The following MAPK8IP2 variants were observed in gnomAD, a reference collection of about 807,000 sequenced individuals.
The protein encoded by MAPK8IP2 is mitogen-activated protein kinase 8 interacting protein 2.
MAPK8IP2 carries 15 observed loss-of-function variants against 75.6 expected under a neutral mutation model. That is an observed-to-expected ratio of 0.20 (90% CI 0.13 to 0.31). MAPK8IP2 has a LOEUF of 0.31. Among genes scored for constraint, MAPK8IP2 ranks in the 10% least tolerant of loss-of-function variants. The pLI is 1.00. For synonymous variants in MAPK8IP2, 632 were observed against 554.5 expected, an observed-to-expected ratio of 1.14 and a Z score of -1.96; for missense variants, 1,089 against 1,211.2, an observed-to-expected ratio of 0.90 and a Z score of 1.50.
rs1555896952 is a variant in MAPK8IP2 at position 50,603,339 on chromosome 22, A to C, written c.288A>C (p.Glu96Asp). The C allele has an allele frequency of 3.9e-6, 6 of 1,555,168 alleles. No homozygotes were observed. Among genetic ancestry groups the C allele is most frequent in the Non-Finnish European group, 5.2e-6 (6 of 1,152,436 alleles). Residue 96 changes from glutamate to aspartate, a missense_variant, in exon 3 of 12, where the codon GAA (glutamate) becomes GAC (aspartate). Physicochemically the swap from Glu to Asp is conservative, Grantham distance 45 (BLOSUM62 2). Coordinates refer to ENST00000329492, the MANE Select transcript of MAPK8IP2 (RefSeq NM_012324.6). ...DNEEEDDEDE[E>D]EEEEEEEGDG... ...AAGAGGAGGACGATGAGGACGAGGA[A>C]GAGGAGGAGGAGGAGGAGGAGGGAG...
intron 2 of MAPK8IP2, among the ~76,000 whole-genome samples, chr22:50,602,311 T>A (rs1036879846): frequency 1.3e-5 from 2 of 152,242 alleles, no homozygotes; most frequent in Admixed American, 1.3e-4. Flanking sequence ...TCTTTTCTCG[T>A]CCATCTCTTG....
chr22:50,608,723 G>A (rs949112415), intron 10 of MAPK8IP2, among the ~76,000 whole-genome samples: 10 of 146,060 alleles, frequency 6.8e-5, no homozygotes, highest in Non-Finnish European at 1.5e-4. Context: ...CAGTGGGCAC[G>A]GGCGCAGACC....
At chr22:50,605,539 A>G in intron 6 of MAPK8IP2, 23 bp from the exon 7 acceptor site, 1 of 809,608 alleles carries the variant, frequency 1.2e-6, no homozygotes, top group Non-Finnish European at 1.9e-6. Flanking sequence ...CCCCCTCCCC[A>G]GTGACCTCTC....
intron 2 of MAPK8IP2, 158 bp from the exon 3 acceptor site, chr22:50,603,065 C>A: frequency 6.8e-7 from 1 of 1,480,032 alleles, no homozygotes; most frequent in Non-Finnish European, 9.1e-7. Context: ...GTGTGTTAGG[C>A]AGATTTTGAA....
Position 50,611,426 on chromosome 22 carries a change from A to G in MAPK8IP2, c.*647A>G, listed in dbSNP as rs1326088466. ...GGAGGGGGGGCCCTCCTGGGCCCCC[A>G]ATACCCCTCCGCTTGCCGCTGCTAG... is the stretch of plus-strand genomic sequence containing the variant. On this transcript the variant is annotated 3_prime_UTR_variant, in exon 12 of 12. Coordinates refer to ENST00000329492, the MANE Select transcript of MAPK8IP2 (RefSeq NM_012324.6). This position sits in a 1 kb window ranked among gnomAD's most constrained non-coding sequence, Gnocchi z 5.5. 6.6e-6 allele frequency: 1 copy of G among 152,184 alleles called. No homozygotes were observed. Among genetic ancestry groups the G allele is most frequent in the East Asian group, 1.9e-4 (1 of 5,154 alleles). The allele number at this position is 152,184 out of a possible 1,614,324, so 9.4% of individuals were successfully genotyped here.
In MAPK8IP2 at chr22:50,603,254, C is replaced by T. The variant is rs375910012; in HGVS notation, c.203C>T (p.Pro68Leu). The T allele has an allele frequency of 1.1e-5, 17 of 1,604,794 alleles. No individual in the cohort carries two copies. The highest frequency in any genetic ancestry group is 2.2e-5 in the East Asian group (1 of 44,558). ...DSLSLGRSEQPHPICSFQDDF... is the reference protein window; with the variant it reads ...DSLSLGRSEQLHPICSFQDDF... ...CTCTCCCTGGGGCGCTCGGAGCAGC[C>T]GCACCCCATCTGCTCCTTCCAGGAT... The change falls in exon 3 of 12, where the codon CCG becomes CTG. Residue 68 changes from proline to leucine, a missense_variant. Around this residue, in one of 2 missense-constraint regions of MAPK8IP2, gnomAD observed 960 missense variants for 1,009.6 expected, o/e 0.95. Transcript: ENST00000329492.
chr22:50,609,195 G>C (rs2071104190), intron 10 of MAPK8IP2, among the ~76,000 whole-genome samples: 1 of 152,158 alleles, frequency 6.6e-6, no homozygotes, highest in Non-Finnish European at 1.5e-5. Context: ...AGGAGAGCGT[G>C]GGGTGTGCTG....
intron 10 of MAPK8IP2, among the ~76,000 whole-genome samples, chr22:50,608,305 C>G (rs185810119): frequency 6.7e-6 from 1 of 150,286 alleles, no homozygotes; most frequent in East Asian, 2.0e-4. Context: ...GGGGCCAGCT[C>G]TGGGGTGGAG....
chr22:50,603,318 G>A lies in MAPK8IP2; in HGVS notation c.267G>A (p.Glu89=), dbSNP rs1429269428. Residue 89 remains glutamate (E), a synonymous_variant, in exon 3 of 12, where the codon GAG becomes GAA. Transcript: ENST00000329492. The stretch of plus-strand genomic sequence containing the variant: ...TTGAGATGATCGATGACAATGAAGA[G>A]GAGGACGATGAGGACGAGGAAGAGG... ...QEFEMIDDNE[E]EDDEDEEEEE... 3.2e-6 allele frequency: 5 copies of A among 1,563,938 alleles called. No homozygotes were observed. In the African/African-American group the frequency reaches 4.1e-5, roughly 13 times the overall value.
chr22:50,610,446 G>T lies in MAPK8IP2; in HGVS notation c.2402+136G>T, dbSNP rs2071129964. 1 of 799,800 alleles carries T rather than the reference G, an allele frequency of 1.3e-6. No homozygotes were observed. The allele number at this position is 799,800 out of a possible 1,614,324, so 49.5% of individuals were successfully genotyped here. A position where few individuals can be genotyped will look rare whatever the true frequency, so the allele number is the denominator to read the frequency against. On this transcript the variant is annotated intron_variant, in intron 11 of 11. Transcript: ENST00000329492. The surrounding 1 kb of genome is among the most constrained non-coding windows in gnomAD (Gnocchi z 4.3). Reference sequence around the variant, plus strand: ...GAACCAGATGTGCTGTGTAGAGAGGGCAGTGGTGGGTGACAGTTTGGGGTG... The same window carrying T: ...GAACCAGATGTGCTGTGTAGAGAGGTCAGTGGTGGGTGACAGTTTGGGGTG...
In MAPK8IP2 at chr22:50,606,750, C is replaced by A. The variant is rs200208943; in HGVS notation, c.2217C>A (p.Ser739Arg). The change falls in exon 9 of 12, where the codon AGC (serine) becomes AGA (arginine). Residue 739 changes from serine to arginine, a missense_variant. By Grantham distance (110) the Ser-to-Arg change is moderately radical (BLOSUM62 -1). Transcript: ENST00000329492. ...ISLRGVKLSL[S>R]GGGPEFQRCS... ...TTCGGGGGGTCAAGCTGAGTCTGAG[C>A]GGAGGAGGGCCCGAGGTGGGAGTGT... is the stretch of plus-strand genomic sequence containing the variant. 6.3e-7 allele frequency: 1 copy of A among 1,581,750 alleles called. No homozygotes were observed.
Position 50,610,221 on chromosome 22 carries a change from C to T in MAPK8IP2, c.2313C>T (p.Gly771=). Reference sequence around the variant, plus strand: ...ACTGACTTGCCCGCAGCTATTTCGGCTTCATCACCAAACACCCCCTGCTGA... The same window carrying T: ...ACTGACTTGCCCGCAGCTATTTCGGTTTCATCACCAAACACCCCCTGCTGA... ...GCHPRNSCYF[G]FITKHPLLSR... Residue 771 remains glycine (G), a synonymous_variant, in exon 11 of 12, where the codon GGC becomes GGT. Transcript: ENST00000329492. The surrounding 1 kb of genome is among the most constrained non-coding windows in gnomAD (Gnocchi z 4.3). The T allele has an allele frequency of 6.2e-7, 1 of 1,601,872 alleles. No homozygotes were observed. The highest frequency in any genetic ancestry group is 2.3e-5 in the East Asian group (1 of 44,290).
rs1434393611 is a variant in MAPK8IP2, at chr22:50,604,805, G to T, written c.1506G>T (p.Ala502=). 3.9e-6 allele frequency: 6 copies of T among 1,552,298 alleles called. No homozygotes were observed. The highest frequency in any genetic ancestry group is 2.0e-5 in the Admixed American group (1 of 51,196). Residue 502 remains alanine, a synonymous_variant, in exon 5 of 12, where the codon GCG becomes GCT. Transcript: ENST00000329492. The part of the protein sequence containing the change: ...RGTGPSAPRD[A]SLVYDAVKYT... ...CGGGCCCCTCGGCGCCGCGGGACGCGTCGCTGGTGTACGACGCGGTCAAGT... is the reference window on the plus strand; with the variant it reads ...CGGGCCCCTCGGCGCCGCGGGACGCTTCGCTGGTGTACGACGCGGTCAAGT...
intron 10 of MAPK8IP2, among the ~76,000 whole-genome samples, chr22:50,608,384 T>C (rs1432741327): frequency 6.0e-4 from 59 of 97,538 alleles, no homozygotes; most frequent in African/African-American, 2.1e-3. Context: ...GGTGGGACAG[T>C]GGGCAGGGGC....
intron 10 of MAPK8IP2, among the ~76,000 whole-genome samples, chr22:50,608,070 G>C (rs1360917921): frequency 6.6e-6 from 1 of 152,118 alleles, no homozygotes; most frequent in African/African-American, 2.4e-5. Flanking sequence ...GACACAGCAG[G>C]GCACGGTGCT....
Position 50,607,088 on chromosome 22 carries a change from T to C in MAPK8IP2, c.2303+97T>C. On this transcript the variant is annotated intron_variant, in intron 10 of 11. Coordinates refer to ENST00000329492, the MANE Select transcript of MAPK8IP2 (RefSeq NM_012324.6). This position sits in a 1 kb window ranked among gnomAD's most constrained non-coding sequence, Gnocchi z 5.6. ...CCCCACAGACCCTGAGGGCTGCCCGTGCCCAGCCCTGAGAGCTCCACCTGC... is the reference window on the plus strand; with the variant it reads ...CCCCACAGACCCTGAGGGCTGCCCGCGCCCAGCCCTGAGAGCTCCACCTGC... The C allele has an allele frequency of 1.1e-6, 1 of 949,258 alleles. No individual in the cohort carries two copies. Among genetic ancestry groups the C allele is most frequent in the Non-Finnish European group, 1.7e-6 (1 of 591,252 alleles). The allele number at this position is 949,258 out of a possible 1,614,324, so 58.8% of individuals were successfully genotyped here.
Position 50,604,005 on chromosome 22 carries a change from T to C in MAPK8IP2, c.706T>C (p.Ser236Pro), listed in dbSNP as rs1250231710. ...PGIEADLRSR[S>P]SGGRGGRRSS... is the part of the protein sequence containing the mutation. ...CATCGAGGCTGACCTGAGAAGCCGCTCGAGCGGCGGCCGCGGGGGACGTCG... is the reference window on the plus strand; with the variant it reads ...CATCGAGGCTGACCTGAGAAGCCGCCCGAGCGGCGGCCGCGGGGGACGTCG... Residue 236 changes from serine (S) to proline (P), a missense_variant, in exon 5 of 12, where the codon TCG becomes CCG. By Grantham distance (74) the Ser-to-Pro change is moderately conservative. Coordinates refer to ENST00000329492, the MANE Select transcript of MAPK8IP2 (RefSeq NM_012324.6). 6.4e-7 allele frequency: 1 copy of C among 1,558,136 alleles called. No individual in the cohort carries two copies. Among genetic ancestry groups the C allele is most frequent in the Non-Finnish European group, 8.6e-7 (1 of 1,159,742 alleles).
rs1239576280 is a variant in MAPK8IP2 at position 50,612,682 on chromosome 22, AG to A, written c.*1905del. The A allele has an allele frequency of 6.6e-6, 1 of 152,316 alleles. No homozygotes were observed. The highest frequency in any genetic ancestry group is 6.5e-5 in the Admixed American group (1 of 15,288). 9.4% of individuals were successfully genotyped at this position (152,316 alleles called of 1,614,324 possible). ...TACTAATTGAGATAAAGCTGTAAAGAGGCAGATAGCCCCACTGGGTGTGTAC... is the reference window on the plus strand; with the variant it reads ...TACTAATTGAGATAAAGCTGTAAAGAGCAGATAGCCCCACTGGGTGTGTAC... On this transcript the variant is annotated 3_prime_UTR_variant, in exon 12 of 12. Transcript: ENST00000329492.
chr22:50,603,231 C>T lies in MAPK8IP2; in HGVS notation c.180C>T (p.Leu60=), dbSNP rs1203632535. 6.2e-7 allele frequency: 1 copy of T among 1,610,752 alleles called. No individual in the cohort carries two copies. Among genetic ancestry groups the T allele is most frequent in the Non-Finnish European group, 8.5e-7 (1 of 1,179,374 alleles). Residue 60 remains leucine, a synonymous_variant, in exon 3 of 12, where the codon CTC becomes CTT. Transcript: ENST00000329492. ...CTCCCTCCGTCCTGCAGGACAGCCT[C>T]TCCCTGGGGCGCTCGGAGCAGCCGC... ...YDSDHCEKDS[L]SLGRSEQPHP... is the part of the protein sequence containing the mutation.
Sources: allele counts gnomAD v4.1 joint callset (sites outside exome capture counted in the v4.1 genomes callset), GRCh38; gene constraint gnomAD v4.1.1; regional missense constraint gnomAD v4.1.1; non-coding constraint Gnocchi (gnomAD v3.1); transcripts MANE v1.5; gene names NCBI Gene and HGNC (gene_info 2026-07-23, HGNC 2026-07-21).